The following MGAM variants were observed in gnomAD, a reference collection of about 807,000 sequenced individuals.
The protein encoded by MGAM is maltase-glucoamylase.
A neutral mutation model predicts 358.8 loss-of-function variants in MGAM; 253 were observed. The observed-to-expected ratio is 0.71, with a 90% CI of 0.64 to 0.78. The LOEUF (loss-of-function observed/expected upper bound fraction) is 0.78, where lower values mean the gene tolerates loss of function less well. Among genes scored for constraint, MGAM ranks in the 30% least tolerant of loss-of-function variants. The probability of loss-of-function intolerance (pLI) is 0.00; values close to 1 mark genes in which losing one functional copy is unlikely to be tolerated. For synonymous variants in MGAM, 1,105 were observed against 1,227.1 expected (o/e 0.90, Z 2.08); for missense variants, 3,080 against 3,432.6 (o/e 0.90, Z 2.57).
chr7:142,079,414 G>A lies in MGAM; in HGVS notation c.5847+406G>A, dbSNP rs752099210. On this transcript the variant is annotated intron_variant, in intron 49 of 70. Transcript: ENST00000475668. Reference sequence around the variant, plus strand: ...GCGACAATGGAGAGGGAAGCATCAAGAATGATGACCGCGTTGGTATCTTGC... The same window carrying A: ...GCGACAATGGAGAGGGAAGCATCAAAAATGATGACCGCGTTGGTATCTTGC... Among the ~76,000 whole-genome samples the A allele has an allele frequency of 2.7e-4, 39 of 145,620 alleles. 3 individuals carry two copies. The highest frequency in any genetic ancestry group is 4.7e-4 in the Non-Finnish European group (30 of 64,322).
At chr7:142,017,856 A>G (rs193171474) in intron 3 of MGAM, among the ~76,000 whole-genome samples, 1 of 152,330 alleles carries the variant, frequency 6.6e-6, no homozygotes, top group African/African-American at 2.4e-5. Context: ...TCTCCTGAAA[A>G]TGTGCTTAGA....
Position 142,044,813 on chromosome 7 carries a change from C to T in MGAM, c.2499-2972C>T, listed in dbSNP as rs531299183. ...TATGATATATAATGTATATTATATA[C>T]ACGTGTAATATATGATATATAATGT... On this transcript the variant is annotated intron_variant, in intron 21 of 70. Coordinates refer to ENST00000475668, the MANE Select transcript of MGAM (RefSeq NM_001365693.1). 1.1e-3 allele frequency among the ~76,000 whole-genome samples: 74 copies of T among 66,218 alleles called. 6 individuals carry two copies. The highest frequency in any genetic ancestry group is 1.7e-3 in the Non-Finnish European group (62 of 36,230). The allele number at this position is 66,218 out of a possible 152,430, so 43.4% of individuals were successfully genotyped here.
At chr7:142,029,476 G>A (rs960095290) in intron 10 of MGAM, among the ~76,000 whole-genome samples, 24 of 152,036 alleles carry the variant, frequency 1.6e-4, no homozygotes, top group Admixed American at 1.6e-3. Flanking sequence ...CTTTTTTTAT[G>A]CCATTTTCCT....
At chr7:142,096,108 C>T (rs1475941567) in intron 64 of MGAM, 2 of 614,764 alleles carry the variant, frequency 3.3e-6, no homozygotes, top group African/African-American at 1.9e-5. Flanking sequence ...AAGTATTTTA[C>T]AAGAGAGAAT....
Position 142,060,358 on chromosome 7 carries a change from G to A in MGAM, c.4107G>A (p.Trp1369Ter), listed in dbSNP as rs748855446. 6.2e-7 allele frequency: 1 copy of A among 1,614,046 alleles called. No individual in the cohort carries two copies. Among genetic ancestry groups the A allele is most frequent in the Non-Finnish European group, 8.5e-7 (1 of 1,179,884 alleles). The change falls in exon 34 of 71, where the codon TGG becomes TGA. Residue 1369 changes from tryptophan to a stop codon, truncating the protein, a stop_gained. Transcript: ENST00000475668. LOFTEE classifies it high-confidence loss of function. ...TTGTTGTGAATGGGTCTCTAGACTG[G>A]GACAGCCAAGTGGAGGTAAAAGGGT... ...PDVVVNGSLD[W>*]DSQVELYRAY...
rs375871225 is a variant in MGAM, at chr7:142,038,621, T to C, written c.2316+6T>C. 1.1e-5 allele frequency: 17 copies of C among 1,600,822 alleles called. No individual in the cohort carries two copies. The South Asian group carries it at 1.8e-4, about 17-fold the overall frequency. On this transcript the variant is annotated splice_donor_region_variant and intron_variant, in intron 19 of 70. Transcript: ENST00000475668. ...TCACTCCAGTTCTGGATGAAGTAAGTGTTCCCACAGAGATACACTAGAGAT... is the reference window on the plus strand; with the variant it reads ...TCACTCCAGTTCTGGATGAAGTAAGCGTTCCCACAGAGATACACTAGAGAT...
chr7:142,073,750 C>T (rs1220575266), intron 44 of MGAM, among the ~76,000 whole-genome samples: 1 of 145,958 alleles, frequency 6.9e-6, no homozygotes, highest in Non-Finnish European at 1.6e-5. Context: ...CTGACTGAAC[C>T]AGTTATTGCC....
At chr7:142,088,913 A>G (rs1563214730) in intron 57 of MGAM, among the ~76,000 whole-genome samples, 1 of 142,216 alleles carries the variant, frequency 7.0e-6, no homozygotes, top group Non-Finnish European at 1.6e-5. Context: ...CTATCTATCC[A>G]AATCCCTCTT....
At chr7:142,057,269 ATGG>A (rs1811641590) in intron 30 of MGAM, among the ~76,000 whole-genome samples, 1 of 151,058 alleles carries the variant, frequency 6.6e-6, no homozygotes, top group South Asian at 2.1e-4. Flanking sequence ...GGTGATAATG[ATGG>A]TGGTGGTAGT....
intron 21 of MGAM, among the ~76,000 whole-genome samples, chr7:142,044,427 A>T (rs1282900738): frequency 7.2e-6 from 1 of 138,846 alleles, no homozygotes; most frequent in Non-Finnish European, 1.5e-5. Context: ...TTATATACAC[A>T]TACGATATAT....
At chr7:142,089,014 A>ATCTG (rs1815118216) in intron 57 of MGAM, among the ~76,000 whole-genome samples, 1 of 143,252 alleles carries the variant, frequency 7.0e-6, no homozygotes, top group Admixed American at 7.2e-5. Context: ...CTATCTATCT[A>ATCTG]TCTATCTATC....
At chr7:142,045,003 A>G (rs1302153410) in intron 21 of MGAM, among the ~76,000 whole-genome samples, 1 of 105,962 alleles carries the variant, frequency 9.4e-6, no homozygotes, top group African/African-American at 3.4e-5. Context: ...CACGTGTAAT[A>G]TATGATATAT....
chr7:142,058,372 G>A (rs781655882), intron 31 of MGAM, 44 bp downstream of exon 31: 15 of 1,610,710 alleles, frequency 9.3e-6, no homozygotes, highest in Non-Finnish European at 1.3e-5. Flanking sequence ...ACTAACCCAG[G>A]TGCCTCTGTG....
At chr7:142,045,150 T>C (rs1809918841) in intron 21 of MGAM, among the ~76,000 whole-genome samples, 3 of 104,198 alleles carry the variant, frequency 2.9e-5, no homozygotes, top group South Asian at 5.2e-4. Context: ...ATATATCATA[T>C]ATGTGATATA....
chr7:142,034,435 G>GT, intron 15 of MGAM, 56 bp downstream of exon 15: 1 of 1,264,954 alleles, frequency 7.9e-7, no homozygotes, highest in South Asian at 1.4e-5. Flanking sequence ...ATATATATAT[G>GT]TTTTTAATTC....
chr7:142,022,282 T>A lies in MGAM; in HGVS notation c.725T>A (p.Ile242Asn). The A allele has an allele frequency of 2.5e-6, 4 of 1,609,516 alleles. No homozygotes were observed. Among genetic ancestry groups the A allele is most frequent in the Non-Finnish European group, 3.4e-6 (4 of 1,177,292 alleles). The stretch of plus-strand genomic sequence containing the variant: ...CCTGTGTCTAGGTTTGACTCGAGCA[T>A]TGGGCCCCTACTGTTTGCTGACCAG... Reference protein sequence around the residue: ...SNNRVLFDSSIGPLLFADQFL... With the variant: ...SNNRVLFDSSNGPLLFADQFL... The change falls in exon 7 of 71, where the codon ATT (isoleucine) becomes AAT (asparagine). Residue 242 changes from isoleucine (I) to asparagine (N), a missense_variant. Transcript: ENST00000475668.
intron 16 of MGAM, among the ~76,000 whole-genome samples, chr7:142,035,112 T>C (rs62477566): frequency 0.16 from 24,684 of 152,184 alleles, 2,354 homozygotes; most frequent in Middle Eastern, 0.29. Context: ...AAAGTGTATG[T>C]ATCCTTAAGA....
intron 53 of MGAM, 33 bp downstream of exon 53, chr7:142,083,446 T>A: frequency 7.0e-7 from 1 of 1,422,568 alleles, no homozygotes; most frequent in Non-Finnish European, 9.7e-7. Context: ...ATCAAGTACT[T>A]ATATAGCACA....
chr7:142,036,263 A>G lies in MGAM; in HGVS notation c.2054A>G (p.Asn685Ser). ...QLGAFYPFSR[N>S]HNGQGYKDQD... ...GGTGCATTTTATCCGTTTTCTAGAA[A>G]TCACAATGGCCAAGGCTACAAGGTA... Residue 685 changes from asparagine to serine, a missense_variant, in exon 17 of 71, where the codon AAT becomes AGT. By Grantham distance (46) the Asn-to-Ser change is conservative (BLOSUM62 1). Transcript: ENST00000475668. The G allele has an allele frequency of 6.2e-7, 1 of 1,608,710 alleles. No individual in the cohort carries two copies. Among genetic ancestry groups the G allele is most frequent in the Admixed American group, 1.7e-5 (1 of 59,236 alleles).
Sources: gnomAD v4.1 joint callset for allele counts (sites outside exome capture counted in the v4.1 genomes callset) on GRCh38, gnomAD v4.1.1 for gene constraint, MANE v1.5 for transcripts, NCBI Gene and HGNC (gene_info 2026-07-23, HGNC 2026-07-21) for gene names.